Variants in MYO10 observed in about 807,000 individuals in gnomAD.
The protein encoded by MYO10 is myosin X.
MYO10 carries 133 observed loss-of-function variants against 257.3 expected under a neutral mutation model. That is an observed-to-expected ratio of 0.52 (90% CI 0.45 to 0.60). The LOEUF is 0.60. MYO10 is among the 20% of genes least tolerant of loss of function. The pLI is 0.00. For missense variants in MYO10, 2,399 were observed against 2,635.7 expected, an observed-to-expected ratio of 0.91 and a Z score of 1.97; for synonymous variants, 1,104 against 1,028.6, an observed-to-expected ratio of 1.07 and a Z score of -1.40.
Position 16,680,363 on chromosome 5 carries a change from A to G in MYO10, c.4385-259T>C, listed in dbSNP as rs183649681. Among the ~76,000 whole-genome samples the G allele has an allele frequency of 2.4e-4, 37 of 152,310 alleles. No homozygotes were observed. In the East Asian group the frequency reaches 6.9e-3, roughly 29 times the overall value. ...TAAACCCATCATTAAATATATAAAG[A>G]TAAATGATAACTGGCTCTGGAAGGG... On this transcript the variant is annotated intron_variant, in intron 32 of 40. Coordinates refer to ENST00000513610, the MANE Select transcript of MYO10 (RefSeq NM_012334.3).
In MYO10 at chr5:16,893,390, T is replaced by C. The variant is rs192557080; in HGVS notation, c.22-15683A>G. Among the ~76,000 whole-genome samples, 192 of 151,994 alleles carry C rather than the reference T, an allele frequency of 1.3e-3. 1 individual carries two copies. The highest frequency in any genetic ancestry group is 4.4e-3 in the African/African-American group (181 of 41,478). ...GGCTCACGCCTGTAATCCCAGCACT[T>C]TTGAGAGGCTGAGCAGGCAGATCAC... On this transcript the variant is annotated intron_variant, in intron 1 of 40. Coordinates refer to ENST00000513610, the MANE Select transcript of MYO10 (RefSeq NM_012334.3).
Position 16,935,923 on chromosome 5 carries a change from C to T in MYO10, c.-115G>A. On this transcript the variant is annotated 5_prime_UTR_variant, in exon 1 of 41. Transcript: ENST00000513610. Reference sequence around the variant, plus strand: ...GGCGCCACTCCCGAGGACGCGCGCCCGCGGGGCTCCCCTGCTGCCATCGCC... The same window carrying T: ...GGCGCCACTCCCGAGGACGCGCGCCTGCGGGGCTCCCCTGCTGCCATCGCC... 2.3e-6 allele frequency: 3 copies of T among 1,308,348 alleles called. No homozygotes were observed. The South Asian group carries it at 3.9e-5, about 17-fold the overall frequency. The allele number at this position is 1,308,348 out of a possible 1,614,324, so 81.0% of individuals were successfully genotyped here.
chr5:16,840,096 G>C (rs1177265490), intron 2 of MYO10, among the ~76,000 whole-genome samples: 1 of 152,150 alleles, frequency 6.6e-6, no homozygotes, highest in Non-Finnish European at 1.5e-5. Flanking sequence ...TTTCCTACAA[G>C]TAGACAGTAA....
At chr5:16,697,242 T>G (rs1320863028) in intron 26 of MYO10, among the ~76,000 whole-genome samples, 1 of 152,030 alleles carries the variant, frequency 6.6e-6, no homozygotes, top group Non-Finnish European at 1.5e-5. Flanking sequence ...GACCCATGTT[T>G]TCTAAGAGGA....
chr5:16,751,670 A>G (rs1267942266), intron 19 of MYO10, among the ~76,000 whole-genome samples: 1 of 147,746 alleles, frequency 6.8e-6, no homozygotes, highest in African/African-American at 2.5e-5. Context: ...TTTTTTTAGT[A>G]GAGACGAGGT....
intron 2 of MYO10, among the ~76,000 whole-genome samples, chr5:16,819,787 G>GT (rs1013677983): frequency 1.3e-5 from 2 of 151,946 alleles, no homozygotes; most frequent in African/African-American, 2.4e-5. Context: ...CAATCCAATG[G>GT]TTTTTTTTCA....
intron 1 of MYO10, among the ~76,000 whole-genome samples, chr5:16,922,085 G>A (rs141547098): frequency 0.043 from 6,547 of 151,874 alleles, 190 homozygotes; most frequent in Non-Finnish European, 0.062. Context: ...GTGGTGGTGC[G>A]TGCCTGTAAT....
At chr5:16,865,671 C>A (rs1022349452) in intron 2 of MYO10, among the ~76,000 whole-genome samples, 1 of 151,738 alleles carries the variant, frequency 6.6e-6, no homozygotes, top group East Asian at 1.9e-4. Context: ...ATTAGCCGGG[C>A]GTGGTGGCAG....
chr5:16,786,966 C>T (rs1447887031), intron 4 of MYO10, among the ~76,000 whole-genome samples: 1 of 152,044 alleles, frequency 6.6e-6, no homozygotes, highest in Non-Finnish European at 1.5e-5. Flanking sequence ...GTCAGGAGTT[C>T]GAGGCCAGCC....
At chr5:16,690,275 A>G (rs1246429297) in intron 27 of MYO10, among the ~76,000 whole-genome samples, 3 of 152,234 alleles carry the variant, frequency 2.0e-5, no homozygotes, top group African/African-American at 7.2e-5. Context: ...TGCAATGACT[A>G]CATCCTTTTA....
chr5:16,787,604 TGCTTTAAAAA>T (rs2126674940), intron 4 of MYO10, among the ~76,000 whole-genome samples: 1 of 80,122 alleles, frequency 1.2e-5, no homozygotes, highest in African/African-American at 4.7e-5. Flanking sequence ...TGTTTTGTTT[TGCTTTAAAAA>T]AAAAAAAAAA....
intron 1 of MYO10, among the ~76,000 whole-genome samples, chr5:16,928,568 G>C (rs145896676): frequency 6.6e-6 from 1 of 151,994 alleles, no homozygotes; most frequent in Non-Finnish European, 1.5e-5. Context: ...TTTATGGGCC[G>C]GGCATGACGG....
chr5:16,880,835 G>A (rs1015087400), intron 1 of MYO10, among the ~76,000 whole-genome samples: 5 of 152,146 alleles, frequency 3.3e-5, no homozygotes, highest in Non-Finnish European at 5.9e-5. Context: ...CTGCTACGAC[G>A]CTGGTCTCTC....
chr5:16,725,420 C>T (rs181375580), intron 19 of MYO10, among the ~76,000 whole-genome samples: 2 of 152,074 alleles, frequency 1.3e-5, no homozygotes, highest in African/African-American at 2.4e-5. Context: ...AATTGAAAAT[C>T]GAGTAATAAA....
intron 1 of MYO10, among the ~76,000 whole-genome samples, chr5:16,923,091 T>A (rs1746032922): frequency 6.6e-6 from 1 of 152,080 alleles, no homozygotes; most frequent in Non-Finnish European, 1.5e-5. Flanking sequence ...TGCTTTTTCC[T>A]GCAATAGTAA....
intron 1 of MYO10, among the ~76,000 whole-genome samples, chr5:16,879,306 T>C (rs1275558807): frequency 6.6e-6 from 1 of 152,218 alleles, no homozygotes; most frequent in African/African-American, 2.4e-5. Context: ...AATATGCTGG[T>C]TATGGTATGT....
intron 1 of MYO10, among the ~76,000 whole-genome samples, chr5:16,895,145 T>C (rs973167016): frequency 1.3e-5 from 2 of 152,224 alleles, no homozygotes; most frequent in Non-Finnish European, 1.5e-5. Context: ...AAATTATGTT[T>C]TAAAAGAACC....
chr5:16,700,191 A>G (rs1231906733), intron 25 of MYO10, among the ~76,000 whole-genome samples: 1 of 152,204 alleles, frequency 6.6e-6, no homozygotes, highest in Non-Finnish European at 1.5e-5. Flanking sequence ...CCACTATAAG[A>G]AATAACATCG....
At chr5:16,858,510 G>C (rs1372731089) in intron 2 of MYO10, among the ~76,000 whole-genome samples, 2 of 151,296 alleles carry the variant, frequency 1.3e-5, no homozygotes, top group Middle Eastern at 3.2e-3. Flanking sequence ...GAATCACGCA[G>C]AACAATATAT....
Sources: gnomAD v4.1 joint callset for allele counts (sites outside exome capture counted in the v4.1 genomes callset) on GRCh38, gnomAD v4.1.1 for gene constraint, MANE v1.5 for transcripts, NCBI Gene and HGNC (gene_info 2026-07-23, HGNC 2026-07-21) for gene names.